Variants in NALCN observed in about 807,000 individuals in gnomAD.
The protein encoded by NALCN is sodium leak channel, non-selective.
A neutral mutation model predicts 225.3 loss-of-function variants in NALCN; 111 were observed. The observed-to-expected ratio is 0.49, with a 90% CI of 0.42 to 0.58. NALCN has a LOEUF of 0.58. Ranked by LOEUF, NALCN falls within the 20% of genes least tolerant of loss-of-function variation. The probability of loss-of-function intolerance (pLI) is 0.00; values close to 1 mark genes in which losing one functional copy is unlikely to be tolerated. For missense variants in NALCN, 1,378 were observed against 2,202.4 expected (o/e 0.63, Z 7.49); for synonymous variants, 764 against 769.0 (o/e 0.99, Z 0.11).
chr13:101,288,168 T>A (rs1410844528), intron 9 of NALCN, among the ~76,000 whole-genome samples: 2 of 152,240 alleles, frequency 1.3e-5, no homozygotes, highest in African/African-American at 4.8e-5. Context: ...CATTTATGGT[T>A]TCCTATGATG....
chr13:101,385,020 A>G (rs1172531414), intron 3 of NALCN, among the ~76,000 whole-genome samples: 1 of 152,210 alleles, frequency 6.6e-6, no homozygotes, highest in Non-Finnish European at 1.5e-5. Context: ...ATCAGATTGT[A>G]CCACTCTCAG....
At chr13:101,076,888 G>A (rs982730987) in intron 34 of NALCN, among the ~76,000 whole-genome samples, 8 of 152,122 alleles carry the variant, frequency 5.3e-5, no homozygotes, top group African/African-American at 1.9e-4. Flanking sequence ...AGTAGCTTTA[G>A]GTTGCATTTC....
At chr13:101,273,810 A>T (rs1307661849) in intron 10 of NALCN, among the ~76,000 whole-genome samples, 2 of 149,546 alleles carry the variant, frequency 1.3e-5, no homozygotes, top group Non-Finnish European at 3.0e-5. Flanking sequence ...GCGTGAACCC[A>T]GGAGGCGGAG....
At position 101,057,822 on chromosome 13, in the gene NALCN, T is replaced by C. The variant is rs2031447707; in HGVS notation, c.5023+117A>G. The C allele has an allele frequency of 9.8e-6, 8 of 816,958 alleles. No homozygotes were observed. In the South Asian group the frequency reaches 1.1e-4, roughly 11 times the overall value. 50.6% of individuals were successfully genotyped at this position (816,958 alleles called of 1,614,324 possible). ...GACTACATTTTTCATTATGTTGCTG[T>C]CTGTAAACAACTGTAGATGCAGACT... On this transcript the variant is annotated intron_variant, in intron 43 of 43. Transcript: ENST00000251127.
At chr13:101,183,697 T>C (rs2039334358) in intron 14 of NALCN, among the ~76,000 whole-genome samples, 1 of 152,120 alleles carries the variant, frequency 6.6e-6, no homozygotes, top group Admixed American at 6.6e-5. Flanking sequence ...CGACCTCAGG[T>C]GATCCACCCG....
At chr13:101,340,146 T>C (rs1434808912) in intron 7 of NALCN, among the ~76,000 whole-genome samples, 1 of 152,056 alleles carries the variant, frequency 6.6e-6, no homozygotes. Context: ...TGGGCGCCTG[T>C]AGTCCCAGCT....
intron 6 of NALCN, among the ~76,000 whole-genome samples, chr13:101,357,571 G>A (rs2046100436): frequency 2.0e-5 from 3 of 152,070 alleles, no homozygotes; most frequent in Admixed American, 6.6e-5. Flanking sequence ...CATCCTCATG[G>A]ATAGGAAGAA....
At chr13:101,156,890 A>T (rs559659596) in intron 15 of NALCN, among the ~76,000 whole-genome samples, 1 of 152,220 alleles carries the variant, frequency 6.6e-6, no homozygotes. Context: ...TCTGGCCACA[A>T]TCATGCATTT....
In NALCN at chr13:101,294,271, G is replaced by A. The variant is rs373278692; in HGVS notation, c.800-1905C>T. On this transcript the variant is annotated intron_variant, in intron 7 of 43. Transcript: ENST00000251127. ...TTGTAATGTTCCATGGCAGACGAGG[G>A]TGATTATAGTTAACAACAATGTATT... is the stretch of plus-strand genomic sequence containing the variant. Among the ~76,000 whole-genome samples, 57 of 152,262 alleles carry A rather than the reference G, an allele frequency of 3.7e-4. 1 individual carries two copies. The highest frequency in any genetic ancestry group is 1.2e-3 in the African/African-American group (51 of 41,554).
intron 7 of NALCN, among the ~76,000 whole-genome samples, chr13:101,314,665 G>A (rs562655): frequency 0.41 from 62,028 of 151,942 alleles, 13,020 homozygotes; most frequent in Middle Eastern, 0.47. Context: ...TCGAACAAAT[G>A]CACAGGACAA....
chr13:101,351,289 G>A (rs2045901272), intron 6 of NALCN, among the ~76,000 whole-genome samples: 1 of 152,048 alleles, frequency 6.6e-6, no homozygotes, highest in Non-Finnish European at 1.5e-5. Context: ...GGCTTTAGTA[G>A]CTTCCATGTA....
intron 38 of NALCN, among the ~76,000 whole-genome samples, chr13:101,068,256 A>G (rs1041704481): frequency 1.3e-5 from 2 of 152,114 alleles, no homozygotes; most frequent in Non-Finnish European, 2.9e-5. Context: ...AAGCACAAAC[A>G]CACATTCTGT....
At chr13:101,379,152 C>G (rs2046776486) in intron 3 of NALCN, among the ~76,000 whole-genome samples, 1 of 152,102 alleles carries the variant, frequency 6.6e-6, no homozygotes, top group Non-Finnish European at 1.5e-5. Context: ...AAATGCAAAT[C>G]AAAACCACAA....
At chr13:101,232,315 A>G (rs973693714) in intron 12 of NALCN, among the ~76,000 whole-genome samples, 1 of 152,212 alleles carries the variant, frequency 6.6e-6, no homozygotes, top group African/African-American at 2.4e-5. Flanking sequence ...ACCAATTGAA[A>G]AAAAATGACT....
intron 17 of NALCN, among the ~76,000 whole-genome samples, chr13:101,138,015 T>C (rs1193340374): frequency 6.6e-6 from 1 of 152,238 alleles, no homozygotes; most frequent in African/African-American, 2.4e-5. Flanking sequence ...CCTGATGCTT[T>C]GCATACCTTT....
In NALCN at chr13:101,124,031, T is replaced by C. The variant is rs538556698; in HGVS notation, c.2192+577A>G. On this transcript the variant is annotated intron_variant, in intron 18 of 43. Coordinates refer to ENST00000251127, the MANE Select transcript of NALCN (RefSeq NM_052867.4). ...AAATGATATTCTAAATGCCTATGTG[T>C]TTTTATACTCATCATGTTACTCCAT... Among the ~76,000 whole-genome samples, 6 of 152,334 alleles carry C rather than the reference T, an allele frequency of 3.9e-5. No individual in the cohort carries two copies. In the South Asian group the frequency reaches 1.2e-3, roughly 32 times the overall value.
intron 1 of NALCN, among the ~76,000 whole-genome samples, chr13:101,409,832 A>T (rs2047728079): frequency 6.6e-6 from 1 of 152,198 alleles, no homozygotes; most frequent in Non-Finnish European, 1.5e-5. Context: ...TAACATATGA[A>T]TTATCAAGGG....
At chr13:101,236,002 A>G (rs574087689) in intron 12 of NALCN, among the ~76,000 whole-genome samples, 63 of 152,314 alleles carry the variant, frequency 4.1e-4, no homozygotes, top group African/African-American at 1.5e-3. Flanking sequence ...CTTCTTTAAA[A>G]TTCTACTGTC....
chr13:101,212,219 C>T (rs2040550738), intron 13 of NALCN, among the ~76,000 whole-genome samples: 1 of 152,116 alleles, frequency 6.6e-6, no homozygotes, highest in South Asian at 2.1e-4. Flanking sequence ...ATTATATTCA[C>T]CCCTAAAGAC....
Sources: gnomAD v4.1 joint callset for allele counts (sites outside exome capture counted in the v4.1 genomes callset) on GRCh38, gnomAD v4.1.1 for gene constraint, MANE v1.5 for transcripts, NCBI Gene and HGNC (gene_info 2026-07-23, HGNC 2026-07-21) for gene names.